The following MECOM variants were observed in gnomAD, a reference collection of about 807,000 sequenced individuals.
The protein encoded by MECOM is histone-lysine N-methyltransferase MECOM.
MECOM carries 13 observed loss-of-function variants against 116.3 expected under a neutral mutation model. The observed-to-expected ratio is 0.11, with a 90% CI of 0.07 to 0.18. The LOEUF (loss-of-function observed/expected upper bound fraction) is 0.18, where lower values mean the gene tolerates loss of function less well. MECOM is among the 10% of genes least tolerant of loss of function. The pLI, the probability that MECOM is intolerant of heterozygous loss-of-function variation, is 1.00. For synonymous variants in MECOM, 528 were observed against 535.2 expected (o/e 0.99, Z 0.19); for missense variants, 1,299 against 1,509.0 (o/e 0.86, Z 2.31).
chr3:169,125,507 T>C (rs1343245350), intron 5 of MECOM, among the ~76,000 whole-genome samples: 1 of 152,136 alleles, frequency 6.6e-6, no homozygotes, highest in East Asian at 1.9e-4. Context: ...TTTAAGAGTA[T>C]ATTATGAACA....
intron 1 of MECOM, among the ~76,000 whole-genome samples, chr3:169,432,727 C>T (rs1395929639): frequency 6.6e-6 from 1 of 152,132 alleles, no homozygotes; most frequent in Non-Finnish European, 1.5e-5. Context: ...TGAGGTGACC[C>T]TTATATCAAA....
At position 169,083,985 on chromosome 3, in the gene MECOM, C is replaced by G. The variant is rs1031716432; in HGVS notation, c.*924G>C. On this transcript the variant is annotated 3_prime_UTR_variant, in exon 17 of 17. Coordinates refer to ENST00000651503, the MANE Select transcript of MECOM (RefSeq NM_004991.4). ...TTAAGAAAAGCCAAACACCATTTGG[C>G]ACTCTCATACACAGGTCGGGTCACC... 1.0e-4 allele frequency: 23 copies of G among 229,874 alleles called. 1 individual carries two copies. Among genetic ancestry groups the G allele is most frequent in the African/African-American group, 5.1e-4 (23 of 45,310 alleles). 14.2% of individuals were successfully genotyped at this position (229,874 alleles called of 1,614,324 possible).
At chr3:169,151,123 G>T (rs920658116) in intron 2 of MECOM, among the ~76,000 whole-genome samples, 1 of 152,212 alleles carries the variant, frequency 6.6e-6, no homozygotes, top group East Asian at 1.9e-4. Context: ...CTTCATGGTC[G>T]TCCCAGAAGT....
At chr3:169,153,656 A>G (rs1005262695) in intron 2 of MECOM, among the ~76,000 whole-genome samples, 4 of 152,084 alleles carry the variant, frequency 2.6e-5, no homozygotes, top group Admixed American at 2.6e-4. Flanking sequence ...GTGCTTTTAG[A>G]CTCATAATCT....
Position 169,611,382 on chromosome 3 carries a change from G to A in MECOM, c.37+51954C>T, listed in dbSNP as rs558246369. Among the ~76,000 whole-genome samples the A allele has an allele frequency of 5.3e-5, 8 of 152,256 alleles. No individual in the cohort carries two copies. The highest frequency in any genetic ancestry group is 2.1e-4 in the South Asian group (1 of 4,812). ...GCAGCTCTCAACCATGCGGAGGAACGCTTCCATTCACACATTTTGTCCCCC... is the reference window on the plus strand; with the variant it reads ...GCAGCTCTCAACCATGCGGAGGAACACTTCCATTCACACATTTTGTCCCCC... On this transcript the variant is annotated intron_variant, in intron 1 of 16. Coordinates refer to ENST00000651503, the MANE Select transcript of MECOM (RefSeq NM_004991.4). The surrounding 1 kb of genome is among the most constrained non-coding windows in gnomAD (Gnocchi z 4.1).
chr3:169,098,724 C>A (rs994258804), intron 12 of MECOM, among the ~76,000 whole-genome samples: 1 of 151,914 alleles, frequency 6.6e-6, no homozygotes, highest in Non-Finnish European at 1.5e-5. Flanking sequence ...GATGGGGTCT[C>A]GCTGTGTTGT....
At chr3:169,087,405 T>C (rs1718148341) in intron 16 of MECOM, among the ~76,000 whole-genome samples, 1 of 152,128 alleles carries the variant, frequency 6.6e-6, no homozygotes, top group African/African-American at 2.4e-5. Context: ...GAGACCAGCC[T>C]GGGCAACATA....
intron 2 of MECOM, among the ~76,000 whole-genome samples, chr3:169,258,629 T>C (rs1366227409): frequency 6.6e-6 from 1 of 152,222 alleles, no homozygotes; most frequent in Admixed American, 6.5e-5. Context: ...AGCTGACTTC[T>C]ACCTTTTAGA....
intron 16 of MECOM, among the ~76,000 whole-genome samples, chr3:169,086,272 T>G (rs894630832): frequency 1.3e-5 from 2 of 152,164 alleles, no homozygotes; most frequent in African/African-American, 4.8e-5. Flanking sequence ...CTGTGATAGA[T>G]CCTAAGAAAT....
At chr3:169,365,653 T>TACTATATG (rs1348311835) in intron 2 of MECOM, among the ~76,000 whole-genome samples, 2 of 152,016 alleles carry the variant, frequency 1.3e-5, no homozygotes, top group East Asian at 3.9e-4. Context: ...TTAATATCCA[T>TACTATATG]ACTATATGGG....
chr3:169,258,329 A>G (rs183288049), intron 2 of MECOM, among the ~76,000 whole-genome samples: 1 of 152,366 alleles, frequency 6.6e-6, no homozygotes, highest in East Asian at 1.9e-4. Context: ...CAGAGATTAG[A>G]ACTAGAAGTG....
intron 1 of MECOM, among the ~76,000 whole-genome samples, chr3:169,492,805 C>T (rs1258541990): frequency 3.3e-5 from 5 of 151,942 alleles, no homozygotes; most frequent in African/African-American, 7.3e-5. Context: ...ACTAAAAATA[C>T]AAAAATTAGC....
At chr3:169,645,665 A>G (rs1774087454) in intron 1 of MECOM, among the ~76,000 whole-genome samples, 1 of 152,254 alleles carries the variant, frequency 6.6e-6, no homozygotes, top group South Asian at 2.1e-4. Context: ...CAAAGGCCAG[A>G]AATCATAGGC....
chr3:169,438,076 A>G (rs2108594606), intron 1 of MECOM, among the ~76,000 whole-genome samples: 1 of 152,322 alleles, frequency 6.6e-6, no homozygotes, highest in Admixed American at 6.5e-5. Context: ...TATGTAAGGA[A>G]ATTGAAGCAG....
intron 2 of MECOM, among the ~76,000 whole-genome samples, chr3:169,177,211 C>T (rs1050116312): frequency 6.6e-6 from 1 of 152,162 alleles, no homozygotes; most frequent in African/African-American, 2.4e-5. Context: ...GTCATGGAAT[C>T]AACCCAAATG....
chr3:169,395,814 A>G (rs935367711), intron 1 of MECOM, among the ~76,000 whole-genome samples: 2 of 152,240 alleles, frequency 1.3e-5, no homozygotes, highest in African/African-American at 4.8e-5. Flanking sequence ...CATACCTTAT[A>G]GATTGTAAAA....
At chr3:169,099,781 G>A (rs968736309) in intron 12 of MECOM, among the ~76,000 whole-genome samples, 1 of 151,950 alleles carries the variant, frequency 6.6e-6, no homozygotes, top group Admixed American at 6.6e-5. Flanking sequence ...AAATATTTAC[G>A]AGTAACTAAT....
intron 2 of MECOM, among the ~76,000 whole-genome samples, chr3:169,148,257 C>A (rs1349940702): frequency 6.6e-6 from 1 of 152,080 alleles, no homozygotes; most frequent in Non-Finnish European, 1.5e-5. Flanking sequence ...ACACCTTGAA[C>A]GCCAAAACGT....
At chr3:169,430,031 G>A (rs76232540) in intron 1 of MECOM, among the ~76,000 whole-genome samples, 6,372 of 152,226 alleles carry the variant, frequency 0.042, 163 homozygotes, top group South Asian at 0.066. Context: ...TAAGAATGGC[G>A]TGAGTTTAGA....
Sources: gnomAD v4.1 joint callset for allele counts (sites outside exome capture counted in the v4.1 genomes callset) on GRCh38, gnomAD v4.1.1 for gene constraint, Gnocchi (gnomAD v3.1) non-coding constraint, MANE v1.5 for transcripts, NCBI Gene and HGNC (gene_info 2026-07-23, HGNC 2026-07-21) for gene names.